The following SPOCK1 variants were observed in gnomAD, a reference collection of about 807,000 sequenced individuals.
SPOCK1 encodes the protein testican-1.
A neutral mutation model predicts 55.3 loss-of-function variants in SPOCK1; 23 were observed. The observed-to-expected ratio is 0.42, with a 90% CI of 0.30 to 0.59. SPOCK1 has a LOEUF of 0.59. SPOCK1 is among the 20% of genes least tolerant of loss of function. The probability of loss-of-function intolerance (pLI) is 0.22; values close to 1 mark genes in which losing one functional copy is unlikely to be tolerated. For missense variants in SPOCK1, 499 were observed against 552.5 expected (o/e 0.90, Z 0.97); for synonymous variants, 226 against 221.0 (o/e 1.02, Z -0.20).
At position 137,372,082 on chromosome 5, in the gene SPOCK1, T is replaced by G. The variant is rs111258885; in HGVS notation, c.187-105027A>C. The stretch of plus-strand genomic sequence containing the variant: ...ATTTTAAAATATTAATGATCTTTCA[T>G]CCTAAGGCATTGAAATCTTGGTGTT... On this transcript the variant is annotated intron_variant, in intron 2 of 10. Transcript: ENST00000394945. Among the ~76,000 whole-genome samples the G allele has an allele frequency of 1.4e-3, 211 of 152,338 alleles. 3 individuals carry two copies. Among genetic ancestry groups the G allele is most frequent in the Middle Eastern group, 6.8e-3 (2 of 294 alleles).
At chr5:137,005,723 A>T (rs1751235361) in intron 6 of SPOCK1, among the ~76,000 whole-genome samples, 1 of 152,156 alleles carries the variant, frequency 6.6e-6, no homozygotes, top group Admixed American at 6.6e-5. Context: ...TAAAGAAGGA[A>T]TTACAGAAGG....
chr5:137,241,529 C>G (rs1756281036), intron 3 of SPOCK1, among the ~76,000 whole-genome samples: 2 of 152,270 alleles, frequency 1.3e-5, no homozygotes, highest in South Asian at 4.1e-4. Flanking sequence ...GAAATTTAAT[C>G]CCCAATGCAA....
At chr5:137,172,137 A>G (rs560647876) in intron 3 of SPOCK1, among the ~76,000 whole-genome samples, 1 of 152,318 alleles carries the variant, frequency 6.6e-6, no homozygotes, top group African/African-American at 2.4e-5. Context: ...CCAACTCACA[A>G]CATTTCTAAA....
chr5:136,988,385 C>T (rs752247286), intron 8 of SPOCK1, 37 bp downstream of exon 8: 1 of 1,582,090 alleles, frequency 6.3e-7, no homozygotes, highest in South Asian at 1.1e-5. Flanking sequence ...GCAAGGCTGC[C>T]CTGGGCTAGG....
chr5:137,414,182 T>G (rs934220984), intron 2 of SPOCK1, among the ~76,000 whole-genome samples: 1 of 152,226 alleles, frequency 6.6e-6, no homozygotes, highest in Non-Finnish European at 1.5e-5. Flanking sequence ...TCTGCTTACT[T>G]CCTATTCCTC....
At chr5:137,285,249 T>C (rs533740719) in intron 2 of SPOCK1, among the ~76,000 whole-genome samples, 6 of 152,200 alleles carry the variant, frequency 3.9e-5, no homozygotes, top group Non-Finnish European at 8.8e-5. Context: ...TTCCACACAA[T>C]GATTATACCT....
chr5:137,152,933 G>A (rs894027337), intron 3 of SPOCK1, among the ~76,000 whole-genome samples: 10 of 152,258 alleles, frequency 6.6e-5, no homozygotes, highest in East Asian at 5.8e-4. Flanking sequence ...AGAATTTGCC[G>A]GAGATAATCC....
At chr5:137,159,475 A>G (rs947158896) in intron 3 of SPOCK1, among the ~76,000 whole-genome samples, 1 of 151,490 alleles carries the variant, frequency 6.6e-6, no homozygotes, top group African/African-American at 2.4e-5. Flanking sequence ...ACCCCCACCA[A>G]CCAGCCCCAC....
intron 2 of SPOCK1, among the ~76,000 whole-genome samples, chr5:137,457,607 G>A (rs955587360): frequency 6.6e-6 from 1 of 152,170 alleles, no homozygotes; most frequent in Non-Finnish European, 1.5e-5. Context: ...CTTTCAATGA[G>A]ATAAGCTAAT....
Position 137,097,572 on chromosome 5 carries a change from G to C in SPOCK1, c.474+14863C>G, listed in dbSNP as rs1561607939. Among the ~76,000 whole-genome samples, 3 of 152,180 alleles carry C rather than the reference G, an allele frequency of 2.0e-5. No individual in the cohort carries two copies. The South Asian group carries it at 6.2e-4, about 32-fold the overall frequency. On this transcript the variant is annotated intron_variant, in intron 5 of 10. Transcript: ENST00000394945. Reference sequence around the variant, plus strand: ...GGATATATGGTGGAATGGGGATAAGGGGATGTCATAGAGAGCCAGGAGAAC... The same window carrying C: ...GGATATATGGTGGAATGGGGATAAGCGGATGTCATAGAGAGCCAGGAGAAC...
chr5:137,328,767 T>C (rs1310242437), intron 2 of SPOCK1, among the ~76,000 whole-genome samples: 1 of 152,190 alleles, frequency 6.6e-6, no homozygotes, highest in Non-Finnish European at 1.5e-5. Context: ...ACACAATCAG[T>C]ACGCGGCAGA....
intron 6 of SPOCK1, among the ~76,000 whole-genome samples, chr5:137,023,079 C>G (rs1237727887): frequency 6.6e-6 from 1 of 152,214 alleles, no homozygotes; most frequent in Non-Finnish European, 1.5e-5. Context: ...TGGATCCTGG[C>G]TCTGCTTCTT....
At chr5:137,017,750 A>G (rs1751475589) in intron 6 of SPOCK1, among the ~76,000 whole-genome samples, 1 of 152,230 alleles carries the variant, frequency 6.6e-6, no homozygotes, top group Non-Finnish European at 1.5e-5. Flanking sequence ...AACAGTACCA[A>G]TTATTAAAAG....
intron 2 of SPOCK1, among the ~76,000 whole-genome samples, chr5:137,379,164 G>A (rs1057219029): frequency 3.3e-5 from 5 of 152,004 alleles, no homozygotes; most frequent in Admixed American, 6.6e-5. Context: ...ACTACTGTGG[G>A]CCAAGGAGCA....
chr5:137,066,987 C>CACACACACACAGAGAGAGAGAG (rs1343691789), intron 6 of SPOCK1, among the ~76,000 whole-genome samples: 11,557 of 138,710 alleles, frequency 0.083, 565 homozygotes, highest in Non-Finnish European at 0.11. Context: ...CACACACACA[C>CACACACACACAGAGAGAGAGAG]AGAGAGAGAG....
At chr5:137,212,696 C>T (rs1437885240) in intron 3 of SPOCK1, among the ~76,000 whole-genome samples, 1 of 152,200 alleles carries the variant, frequency 6.6e-6, no homozygotes, top group Non-Finnish European at 1.5e-5. Context: ...GGCAAGGAGA[C>T]TTAGTCCTTT....
At chr5:137,171,704 G>A (rs1160570068) in intron 3 of SPOCK1, among the ~76,000 whole-genome samples, 5 of 152,066 alleles carry the variant, frequency 3.3e-5, no homozygotes, top group South Asian at 4.2e-4. Context: ...GCTGGCACAC[G>A]GTATGCATTC....
intron 3 of SPOCK1, among the ~76,000 whole-genome samples, chr5:137,142,198 A>G (rs751417622): frequency 9.2e-5 from 14 of 152,232 alleles, no homozygotes; most frequent in Non-Finnish European, 1.6e-4. Context: ...TCTACAAGAA[A>G]TGACATGGTC....
Position 137,026,983 on chromosome 5 carries a change from T to C in SPOCK1, c.590-34383A>G, listed in dbSNP as rs549345317. Among the ~76,000 whole-genome samples, 5 of 152,364 alleles carry C rather than the reference T, an allele frequency of 3.3e-5. No individual in the cohort carries two copies. The South Asian group carries it at 1.0e-3, about 32-fold the overall frequency. On this transcript the variant is annotated intron_variant, in intron 6 of 10. Coordinates refer to ENST00000394945, the MANE Select transcript of SPOCK1 (RefSeq NM_004598.4). ...GCACAGAGTAGTCATTCAGTAAATA[T>C]CCTTTAAATGAATGAATAAAATCTT...
Sources: gnomAD v4.1 joint callset for allele counts (sites outside exome capture counted in the v4.1 genomes callset) on GRCh38, gnomAD v4.1.1 for gene constraint, MANE v1.5 for transcripts, NCBI Gene and HGNC (gene_info 2026-07-23, HGNC 2026-07-21) for gene names.